Variants in PPP4R4 observed in about 807,000 individuals in gnomAD.
The protein encoded by PPP4R4 is protein phosphatase 4 regulatory subunit 4.
In PPP4R4, 70 loss-of-function variants were observed where a neutral mutation model predicts 121.8. The observed-to-expected ratio is 0.57, with a 90% CI of 0.47 to 0.70. The LOEUF (loss-of-function observed/expected upper bound fraction) is 0.70. Ranked by LOEUF, PPP4R4 falls within the 30% of genes least tolerant of loss-of-function variation. The pLI is 0.00. For missense variants in PPP4R4, 875 were observed against 1,033.6 expected, an observed-to-expected ratio of 0.85 and a Z score of 2.10; for synonymous variants, 348 against 355.7, an observed-to-expected ratio of 0.98 and a Z score of 0.24.
At chr14:94,200,199 C>T (rs1056477683) in intron 2 of PPP4R4, among the ~76,000 whole-genome samples, 6 of 151,916 alleles carry the variant, frequency 3.9e-5, no homozygotes, top group African/African-American at 1.5e-4. Flanking sequence ...TATGTATTGA[C>T]CTTGTATTCT....
chr14:94,205,423 T>A (rs764420662), intron 2 of PPP4R4, among the ~76,000 whole-genome samples: 2 of 151,992 alleles, frequency 1.3e-5, no homozygotes, highest in Non-Finnish European at 2.9e-5. Flanking sequence ...ATTCATGTCT[T>A]GTCTTGTTCT....
At chr14:94,217,265 G>A (rs932346541) in intron 3 of PPP4R4, among the ~76,000 whole-genome samples, 3 of 152,164 alleles carry the variant, frequency 2.0e-5, no homozygotes, top group African/African-American at 7.2e-5. Flanking sequence ...ATCTGAGGCT[G>A]CACGTTAAAC....
chr14:94,182,459 T>C (rs1029895437), intron 2 of PPP4R4, among the ~76,000 whole-genome samples: 3 of 152,192 alleles, frequency 2.0e-5, no homozygotes, highest in Admixed American at 6.5e-5. Flanking sequence ...GGGTAGCTAC[T>C]CTACTGACTT....
At chr14:94,267,449 G>A (rs553285704) in intron 23 of PPP4R4, among the ~76,000 whole-genome samples, 1 of 152,218 alleles carries the variant, frequency 6.6e-6, no homozygotes, top group Non-Finnish European at 1.5e-5. Flanking sequence ...TCCCTGAAGG[G>A]CCAGAAGGTA....
chr14:94,270,455 G>T (rs1373081628), intron 23 of PPP4R4, among the ~76,000 whole-genome samples: 2 of 152,166 alleles, frequency 1.3e-5, no homozygotes, highest in East Asian at 3.8e-4. Flanking sequence ...AAAAGCTGGA[G>T]AACTTAAATA....
chr14:94,185,079 GT>G (rs1889195263), intron 2 of PPP4R4, among the ~76,000 whole-genome samples: 1 of 152,196 alleles, frequency 6.6e-6, no homozygotes, highest in Non-Finnish European at 1.5e-5. Context: ...CTGGGAGTCA[GT>G]GTGTTGTATT....
intron 19 of PPP4R4, among the ~76,000 whole-genome samples, chr14:94,261,672 A>G (rs750039348): frequency 6.6e-6 from 1 of 152,014 alleles, no homozygotes; most frequent in Non-Finnish European, 1.5e-5. Flanking sequence ...TCAGTCTTTC[A>G]TCATCAGGTA....
Position 94,240,687 on chromosome 14 carries a change from A to G in PPP4R4, c.868A>G (p.Thr290Ala). The change falls in exon 9 of 25, where the codon ACT becomes GCT. Residue 290 changes from threonine (T) to alanine (A), a missense_variant. Physicochemically the swap from Thr to Ala is moderately conservative, Grantham distance 58. Coordinates refer to ENST00000304338, the MANE Select transcript of PPP4R4 (RefSeq NM_058237.2). Reference sequence around the variant, plus strand: ...TTGTTTTCCAGATGACAGAAGTCAAACTATACTTCCCTTAGTGAAATCATT... The same window carrying G: ...TTGTTTTCCAGATGACAGAAGTCAAGCTATACTTCCCTTAGTGAAATCATT... ...DIFDTDDRSQ[T>A]ILPLVKSFCE... The G allele has an allele frequency of 6.2e-7, 1 of 1,605,964 alleles. No individual in the cohort carries two copies. The highest frequency in any genetic ancestry group is 8.5e-7 in the Non-Finnish European group (1 of 1,177,328).
chr14:94,208,702 A>G, intron 3 of PPP4R4, 136 bp downstream of exon 3: 1 of 493,582 alleles, frequency 2.0e-6, no homozygotes, highest in Non-Finnish European at 3.5e-6. Flanking sequence ...TATTATATAC[A>G]TTTTGAATTA....
Position 94,275,485 on chromosome 14 carries a change from G to A in PPP4R4, c.2561G>A (p.Ser854Asn). 1 of 1,614,098 alleles carries A rather than the reference G, an allele frequency of 6.2e-7. No individual in the cohort carries two copies. Among genetic ancestry groups the A allele is most frequent in the Non-Finnish European group, 8.5e-7 (1 of 1,179,984 alleles). ...GGTAACTCAGTTGACCCCAAGAGCA[G>A]TGGAAGTAAAGATACACAACCACGG... ...GTGNSVDPKSSGSKDTQPRKA... is the reference protein window; with the variant it reads ...GTGNSVDPKSNGSKDTQPRKA... Residue 854 changes from serine to asparagine, a missense_variant, in exon 24 of 25, where the codon AGT becomes AAT. Transcript: ENST00000304338.
intron 3 of PPP4R4, among the ~76,000 whole-genome samples, chr14:94,226,365 GA>G (rs1174418791): frequency 6.6e-6 from 1 of 152,030 alleles, no homozygotes; most frequent in East Asian, 1.9e-4. Flanking sequence ...ACAGACTTAG[GA>G]ATGGTAAAAC....
chr14:94,205,930 A>G lies in PPP4R4; in HGVS notation c.192-2534A>G, dbSNP rs10148994. 2.0e-3 allele frequency among the ~76,000 whole-genome samples: 303 copies of G among 152,100 alleles called. 1 individual carries two copies. Among genetic ancestry groups the G allele is most frequent in the African/African-American group, 6.9e-3 (288 of 41,548 alleles). On this transcript the variant is annotated intron_variant, in intron 2 of 24. Coordinates refer to ENST00000304338, the MANE Select transcript of PPP4R4 (RefSeq NM_058237.2). ...TGATATATATTCTTCGGGCACTTGA[A>G]TGGAATGTGTATTCTGCTGTTGGAT...
chr14:94,209,436 A>G (rs1890628131), intron 3 of PPP4R4, among the ~76,000 whole-genome samples: 1 of 152,102 alleles, frequency 6.6e-6, no homozygotes, highest in Admixed American at 6.6e-5. Context: ...AGGCATGTGT[A>G]GCATGGTTCT....
chr14:94,182,001 G>A (rs1022985411), intron 2 of PPP4R4, among the ~76,000 whole-genome samples: 1 of 152,184 alleles, frequency 6.6e-6, no homozygotes, highest in African/African-American at 2.4e-5. Flanking sequence ...CTTTCAGCTT[G>A]CAGTTGCAAG....
chr14:94,256,329 A>G, intron 16 of PPP4R4, 131 bp from the exon 17 acceptor site: 1 of 698,264 alleles, frequency 1.4e-6, no homozygotes, highest in East Asian at 2.9e-5. Context: ...TTGACACATA[A>G]TAGACACTCC....
chr14:94,226,741 C>T (rs758993538), intron 3 of PPP4R4, among the ~76,000 whole-genome samples: 63 of 152,036 alleles, frequency 4.1e-4, no homozygotes, highest in Non-Finnish European at 6.8e-4. Flanking sequence ...TATTTAATTT[C>T]AAAATAATCA....
At chr14:94,212,796 T>G (rs534603154) in intron 3 of PPP4R4, among the ~76,000 whole-genome samples, 1 of 152,184 alleles carries the variant, frequency 6.6e-6, no homozygotes, top group African/African-American at 2.4e-5. Context: ...ATCCAAAATA[T>G]TATACCATGG....
intron 23 of PPP4R4, among the ~76,000 whole-genome samples, chr14:94,271,915 A>G (rs907302823): frequency 1.3e-5 from 2 of 152,204 alleles, no homozygotes; most frequent in Non-Finnish European, 2.9e-5. Flanking sequence ...ACCATTTACT[A>G]TCAGCACTCA....
intron 24 of PPP4R4, among the ~76,000 whole-genome samples, chr14:94,276,916 T>C (rs1894673699): frequency 6.6e-6 from 1 of 152,206 alleles, no homozygotes; most frequent in African/African-American, 2.4e-5. Flanking sequence ...CAGGTTAATG[T>C]CAATGCAGAG....
Sources: allele counts gnomAD v4.1 joint callset (sites outside exome capture counted in the v4.1 genomes callset), GRCh38; gene constraint gnomAD v4.1.1; transcripts MANE v1.5; gene names NCBI Gene and HGNC (gene_info 2026-07-23, HGNC 2026-07-21).